Variants in ABAT observed in about 807,000 individuals in gnomAD.
ABAT encodes 4-aminobutyrate aminotransferase.
ABAT carries 45 observed loss-of-function variants against 64.6 expected under a neutral mutation model. The observed-to-expected ratio is 0.70, with a 90% CI of 0.55 to 0.89. The LOEUF (loss-of-function observed/expected upper bound fraction) is 0.89, where lower values mean the gene tolerates loss of function less well. Ranked by LOEUF, ABAT falls within the 40% of genes least tolerant of loss-of-function variation. ABAT has a pLI of 0.00. For missense variants in ABAT, 633 were observed against 658.4 expected, an observed-to-expected ratio of 0.96 and a Z score of 0.42; for synonymous variants, 297 against 250.5, an observed-to-expected ratio of 1.19 and a Z score of -1.75.
rs1466319740 is a variant in ABAT, at chr16:8,719,781, G to GA, written c.-41-15911dup. On this transcript the variant is annotated intron_variant, in intron 1 of 15. Transcript: ENST00000268251. The stretch of plus-strand genomic sequence containing the variant: ...GGAGGAGGAGGAGGAGAAGGAGAAG[G>GA]AAAAAAAGAAGTTGTTCACAATTTT... Among the ~76,000 whole-genome samples the GA allele has an allele frequency of 9.2e-5, 14 of 152,122 alleles. No individual in the cohort carries two copies. The East Asian group carries it at 2.3e-3, about 25-fold the overall frequency.
Position 8,703,530 on chromosome 16 carries a change from G to C in ABAT, c.-42+28819G>C, listed in dbSNP as rs907195052. 1.4e-4 allele frequency among the ~76,000 whole-genome samples: 21 copies of C among 152,120 alleles called. 1 individual carries two copies. Among genetic ancestry groups the C allele is most frequent in the Non-Finnish European group, 5.9e-5 (4 of 68,032 alleles). On this transcript the variant is annotated intron_variant, in intron 1 of 15. Transcript: ENST00000268251. ...TTCAAGCAAAAGTCTTACAAATGTT[G>C]GTAAATAATAGAGCGTTTAGGTGGA... is the stretch of plus-strand genomic sequence containing the variant.
At chr16:8,686,931 ACAGGGTGTGGAGTGCAAGGC>A (rs1240102283) in intron 1 of ABAT, among the ~76,000 whole-genome samples, 1 of 152,222 alleles carries the variant, frequency 6.6e-6, no homozygotes, top group Non-Finnish European at 1.5e-5. Context: ...AGCCCCAGAG[ACAGGGTGTGGAGTGCAAGGC>A]CAACCTTGTT....
intron 1 of ABAT, among the ~76,000 whole-genome samples, chr16:8,691,372 C>T (rs2057577177): frequency 6.6e-6 from 1 of 152,108 alleles, no homozygotes. Flanking sequence ...TAATACATCA[C>T]ATTGGAGCAG....
At chr16:8,750,596 G>A (rs1054590709) in intron 5 of ABAT, 57 bp downstream of exon 5, 59 of 1,516,992 alleles carry the variant, frequency 3.9e-5, no homozygotes, top group South Asian at 1.0e-4. Flanking sequence ...TCTCCTAGTC[G>A]TGGCTATCCA....
At chr16:8,710,086 T>C (rs534652226) in intron 1 of ABAT, among the ~76,000 whole-genome samples, 1 of 152,256 alleles carries the variant, frequency 6.6e-6, no homozygotes, top group East Asian at 1.9e-4. Context: ...GTGCTAGGAT[T>C]ACAGGCATGA....
rs2059692060 is a variant in ABAT at position 8,757,892 on chromosome 16, T to C, written c.366+86T>C. 3 of 1,314,012 alleles carry C rather than the reference T, an allele frequency of 2.3e-6. No individual in the cohort carries two copies. The Admixed American group carries it at 5.4e-5, about 24-fold the overall frequency. 81.4% of individuals were successfully genotyped at this position (1,314,012 alleles called of 1,614,324 possible). Reference sequence around the variant, plus strand: ...CTGGGCAGACTTTGGCAATAGTCCTTTCATTCATTCATTCATTCCATAAAT... The same window carrying C: ...CTGGGCAGACTTTGGCAATAGTCCTCTCATTCATTCATTCATTCCATAAAT... On this transcript the variant is annotated intron_variant, in intron 6 of 15. Coordinates refer to ENST00000268251, the MANE Select transcript of ABAT (RefSeq NM_020686.6).
At chr16:8,689,436 T>A (rs903919877) in intron 1 of ABAT, among the ~76,000 whole-genome samples, 5 of 152,200 alleles carry the variant, frequency 3.3e-5, no homozygotes, top group African/African-American at 1.2e-4. Context: ...ACTGCACCAA[T>A]CAAGACTTAC....
At chr16:8,686,101 C>A (rs544856048) in intron 1 of ABAT, among the ~76,000 whole-genome samples, 10 of 152,218 alleles carry the variant, frequency 6.6e-5, no homozygotes, top group African/African-American at 1.4e-4. Context: ...GAGCAAGGCA[C>A]CACCCCGGCA....
chr16:8,766,385 T>C, intron 9 of ABAT, 115 bp downstream of exon 9: 1 of 1,011,150 alleles, frequency 9.9e-7, no homozygotes. Context: ...CCAGGCGCGG[T>C]GGCTCATGCC....
intron 1 of ABAT, among the ~76,000 whole-genome samples, chr16:8,696,861 A>C (rs1340165208): frequency 6.6e-6 from 1 of 152,208 alleles, no homozygotes; most frequent in Non-Finnish European, 1.5e-5. Context: ...CCTCAGGTTA[A>C]GTGAACATTC....
At position 8,764,249 on chromosome 16, in the gene ABAT, G is replaced by A; in HGVS notation, c.447+100G>A. On this transcript the variant is annotated intron_variant, in intron 7 of 15. Transcript: ENST00000268251. The surrounding 1 kb of genome is among the most constrained non-coding windows in gnomAD (Gnocchi z 4.2). ...CAATGAAGAATAAGGTGTTGCTACAGAAATCTTTCTCTCTGAGCTTATTCT... is the reference window on the plus strand; with the variant it reads ...CAATGAAGAATAAGGTGTTGCTACAAAAATCTTTCTCTCTGAGCTTATTCT... 1 of 1,029,182 alleles carries A rather than the reference G, an allele frequency of 9.7e-7. No individual in the cohort carries two copies. The highest frequency in any genetic ancestry group is 1.5e-6 in the Non-Finnish European group (1 of 664,176). The allele number at this position is 1,029,182 out of a possible 1,614,324, so 63.8% of individuals were successfully genotyped here.
intron 6 of ABAT, among the ~76,000 whole-genome samples, chr16:8,758,588 G>C: frequency 1.4e-5 from 2 of 138,284 alleles, no homozygotes; most frequent in Admixed American, 7.3e-5. Flanking sequence ...TCTGTGTGGT[G>C]GGGGGCTGTC....
intron 12 of ABAT, among the ~76,000 whole-genome samples, chr16:8,774,233 A>C (rs1046479803): frequency 6.6e-6 from 1 of 152,050 alleles, no homozygotes; most frequent in African/African-American, 2.4e-5. Flanking sequence ...CGCCTTGCCG[A>C]GTGTGTATAT....
At chr16:8,680,329 A>G (rs924504745) in intron 1 of ABAT, among the ~76,000 whole-genome samples, 1 of 152,242 alleles carries the variant, frequency 6.6e-6, no homozygotes, top group African/African-American at 2.4e-5. Flanking sequence ...CACACAGTAG[A>G]TATTCAAGGA....
At position 8,737,914 on chromosome 16, in the gene ABAT, T is replaced by G. The variant is rs28495577; in HGVS notation, c.70+2105T>G. On this transcript the variant is annotated intron_variant, in intron 2 of 15. Coordinates refer to ENST00000268251, the MANE Select transcript of ABAT (RefSeq NM_020686.6). ...CTGTACTTCAGCCTGGGCAACAGAC[T>G]GAGATTAAAAAAAAAAAAAAGAAAG... 1.3e-3 allele frequency among the ~76,000 whole-genome samples: 123 copies of G among 95,218 alleles called. 7 individuals carry two copies. Among genetic ancestry groups the G allele is most frequent in the African/African-American group, 5.0e-3 (113 of 22,694 alleles). 62.5% of individuals were successfully genotyped at this position (95,218 alleles called of 152,430 possible). A position where few individuals can be genotyped will look rare whatever the true frequency, so the allele number is the denominator to read the frequency against.
At position 8,764,973 on chromosome 16, in the gene ABAT, C is replaced by A; in HGVS notation, c.540+143C>A. On this transcript the variant is annotated intron_variant, in intron 8 of 15. Transcript: ENST00000268251. The surrounding 1 kb of genome is among the most constrained non-coding windows in gnomAD (Gnocchi z 4.2). ...GGTTAAAATACAGGGAGGGCCACTG[C>A]TGGATGGTACTTTGAGACGGCACAG... 1.3e-6 allele frequency: 1 copy of A among 799,150 alleles called. No homozygotes were observed. Among genetic ancestry groups the A allele is most frequent in the Non-Finnish European group, 2.1e-6 (1 of 474,884 alleles). The allele number at this position is 799,150 out of a possible 1,614,324, so 49.5% of individuals were successfully genotyped here. A position where few individuals can be genotyped will look rare whatever the true frequency, so the allele number is the denominator to read the frequency against.
At chr16:8,744,020 T>C (rs1000794285) in intron 2 of ABAT, among the ~76,000 whole-genome samples, 11 of 152,098 alleles carry the variant, frequency 7.2e-5, no homozygotes, top group Non-Finnish European at 1.3e-4. Flanking sequence ...TTCAGCAACA[T>C]GTGGAGCTAA....
At chr16:8,743,423 T>TTTTATATATA (rs1288241223) in intron 2 of ABAT, among the ~76,000 whole-genome samples, 7 of 45,274 alleles carry the variant, frequency 1.5e-4, no homozygotes, top group African/African-American at 8.6e-4. Flanking sequence ...ATGGAAACAG[T>TTTTATATATA]TATATATATA....
At position 8,781,718 on chromosome 16, in the gene ABAT, T is replaced by A. The variant is rs538609140; in HGVS notation, c.*288T>A. On this transcript the variant is annotated 3_prime_UTR_variant, in exon 16 of 16. Transcript: ENST00000268251. This position sits in a 1 kb window ranked among gnomAD's most constrained non-coding sequence, Gnocchi z 4.5. The stretch of plus-strand genomic sequence containing the variant: ...GGGCCATGGGAGGTCCTGGCTAGAG[T>A]TCTGCCCAACCTTGACCAACCCCAG... 2.0e-4 allele frequency: 99 copies of A among 503,856 alleles called. No individual in the cohort carries two copies. In the East Asian group the frequency reaches 3.6e-3, roughly 18 times the overall value. The allele number at this position is 503,856 out of a possible 1,614,324, so 31.2% of individuals were successfully genotyped here. A position where few individuals can be genotyped will look rare whatever the true frequency, so the allele number is the denominator to read the frequency against.
Sources: allele counts gnomAD v4.1 joint callset (sites outside exome capture counted in the v4.1 genomes callset), GRCh38; gene constraint gnomAD v4.1.1; non-coding constraint Gnocchi (gnomAD v3.1); transcripts MANE v1.5; gene names NCBI Gene and HGNC (gene_info 2026-07-23, HGNC 2026-07-21).